The following ANO7 variants were observed in gnomAD, a reference collection of about 807,000 sequenced individuals.
ANO7 encodes the protein anoctamin 7, also known as anoctamin-7.
A neutral mutation model predicts 115.8 loss-of-function variants in ANO7; 114 were observed. The observed-to-expected ratio is 0.98, with a 90% confidence interval of 0.85 to 1.15. The LOEUF (loss-of-function observed/expected upper bound fraction) is 1.15. ANO7 is among the 50% of genes most tolerant of loss of function. The pLI, the probability that ANO7 is intolerant of heterozygous loss-of-function variation, is 0.00. For synonymous variants in ANO7, 550 were observed against 498.2 expected (o/e 1.10, Z -1.38); for missense variants, 1,302 against 1,201.2 (o/e 1.08, Z -1.24).
chr2:241,201,185 G>T, intron 6 of ANO7, 113 bp from the exon 7 acceptor site: 2 of 1,270,230 alleles, frequency 1.6e-6, no homozygotes, highest in Non-Finnish European at 2.1e-6. Flanking sequence ...GCCAGCACCC[G>T]GGCCCCAAAC....
At chr2:241,208,920 C>A (rs35948137) in intron 11 of ANO7, among the ~76,000 whole-genome samples, 4 of 151,628 alleles carry the variant, frequency 2.6e-5, no homozygotes, top group South Asian at 2.1e-4. Context: ...GAGGCCAAGG[C>A]GGGTGGATCA....
intron 19 of ANO7, 188 bp from the exon 20 acceptor site, chr2:241,217,498 G>A: frequency 1.5e-6 from 1 of 647,900 alleles, no homozygotes; most frequent in Admixed American, 3.0e-5. Flanking sequence ...CAGCCGGCCT[G>A]AGGCCGGTCA....
At chr2:241,227,412 G>A (rs1425533789), downstream of ANO7, 1 of 152,570 alleles carries the variant, frequency 6.6e-6, no homozygotes, top group Non-Finnish European at 1.5e-5. Flanking sequence ...ATGGATTGTA[G>A]CTATGGAAAC....
chr2:241,193,972 G>A (rs966882246), intron 3 of ANO7, among the ~76,000 whole-genome samples: 1 of 152,216 alleles, frequency 6.6e-6, no homozygotes, highest in Non-Finnish European at 1.5e-5. Context: ...CACCTCCCAG[G>A]TTCAAGTGAT....
intron 4 of ANO7, 55 bp from the exon 5 acceptor site, chr2:241,199,261 T>A (rs1559442158): frequency 1.4e-6 from 2 of 1,453,760 alleles, no homozygotes; most frequent in East Asian, 4.5e-5. Context: ...CACACACATG[T>A]GCATACGTGC....
chr2:241,202,893 G>A (rs915943143), intron 8 of ANO7, among the ~76,000 whole-genome samples: 2 of 152,184 alleles, frequency 1.3e-5, no homozygotes, highest in Non-Finnish European at 2.9e-5. Context: ...CTGCCCCAAC[G>A]CCGTCATGAG....
At chr2:241,191,390 T>A in intron 3 of ANO7, 139 bp downstream of exon 3, 2 of 1,030,364 alleles carry the variant, frequency 1.9e-6, no homozygotes, top group South Asian at 1.5e-5. Flanking sequence ...GATGGGGCAC[T>A]GGGGTGAGGG....
intron 7 of ANO7, 69 bp from the exon 8 acceptor site, chr2:241,202,125 C>A: frequency 7.4e-7 from 1 of 1,354,740 alleles, no homozygotes; most frequent in Non-Finnish European, 1.0e-6. Flanking sequence ...TAAAGACAGG[C>A]TAGCTAGGAC....
the ANO7 span, among the ~76,000 whole-genome samples, chr2:241,239,254 A>G: frequency 6.6e-6 from 1 of 152,236 alleles, no homozygotes; most frequent in Admixed American, 6.5e-5. This position sits in a 1 kb window ranked among gnomAD's most constrained non-coding sequence, Gnocchi z 4.6. Flanking sequence ...AGGGGAGAAG[A>G]GAGCTGACCC....
At chr2:241,210,220 CG>C in intron 13 of ANO7, 74 bp from the exon 14 acceptor site, 1 of 1,435,534 alleles carries the variant, frequency 7.0e-7, no homozygotes. Flanking sequence ...GAAGAGCTGT[CG>C]GGGGCCATGG....
At chr2:241,233,629 C>T in the ANO7 span, among the ~76,000 whole-genome samples, 1 of 152,152 alleles carries the variant, frequency 6.6e-6, no homozygotes, top group Admixed American at 6.5e-5. The surrounding 1 kb of genome is among the most constrained non-coding windows in gnomAD (Gnocchi z 4.3). Flanking sequence ...TACATAGTGC[C>T]AGAGACCTCA....
chr2:241,210,115 G>A (rs2068686286), intron 13 of ANO7, among the ~76,000 whole-genome samples, 180 bp from the exon 14 acceptor site: 1 of 152,190 alleles, frequency 6.6e-6, no homozygotes, highest in Non-Finnish European at 1.5e-5. Flanking sequence ...CTCTGCCTGA[G>A]CAACTCATCA....
chr2:241,229,552 G>A (rs78125729), downstream of ANO7: 19,710 of 1,340,944 alleles, frequency 0.015, 176 homozygotes, highest in Non-Finnish European at 0.019. Context: ...ACCATTGTGT[G>A]GTTGGGTTTG....
downstream of ANO7, chr2:241,229,797 C>G: frequency 1.3e-6 from 2 of 1,556,252 alleles, no homozygotes; most frequent in Non-Finnish European, 1.7e-6. Context: ...CGCCCACCCT[C>G]CCTGGGACCC....
Position 241,209,395 on chromosome 2 carries a change from C to T in ANO7, c.1188C>T (p.Tyr396=). Residue 396 remains tyrosine (Y), a synonymous_variant, in exon 12 of 25, where the codon TAC becomes TAT. Transcript: ENST00000674324. ...YWKRKSATLA[Y]RWDCSDYEDT... ...AGCGGAAGAGCGCCACGCTGGCCTACCGCTGGGACTGCTCTGACTACGAGG... is the reference window on the plus strand; with the variant it reads ...AGCGGAAGAGCGCCACGCTGGCCTATCGCTGGGACTGCTCTGACTACGAGG... The T allele has an allele frequency of 6.3e-7, 1 of 1,584,688 alleles. No homozygotes were observed. The highest frequency in any genetic ancestry group is 8.6e-7 in the Non-Finnish European group (1 of 1,166,150).
chr2:241,235,477 G>A, the ANO7 span: 146 of 1,604,182 alleles, frequency 9.1e-5, no homozygotes, highest in African/African-American at 1.6e-3. Context: ...GGCCTCCCGG[G>A]AAAGGGGTCT....
Position 241,209,437 on chromosome 2 carries a change from C to A in ANO7, c.1221+9C>A, listed in dbSNP as rs1157460391. On this transcript the variant is annotated intron_variant, in intron 12 of 24. Transcript: ENST00000674324. Reference sequence around the variant, plus strand: ...ACTACGAGGACACTGAGGTGAGCCACCCCCGCTGGACCACGGTCACACCCG... The same window carrying A: ...ACTACGAGGACACTGAGGTGAGCCAACCCCGCTGGACCACGGTCACACCCG... 4.4e-6 allele frequency: 7 copies of A among 1,596,898 alleles called. No individual in the cohort carries two copies. The highest frequency in any genetic ancestry group is 1.3e-5 in the African/African-American group (1 of 74,514).
downstream of ANO7, among the ~76,000 whole-genome samples, chr2:241,226,390 C>T (rs898477682): frequency 6.6e-6 from 1 of 152,030 alleles, no homozygotes; most frequent in Non-Finnish European, 1.5e-5. Context: ...ATATTTAGGG[C>T]CCAACAGAAC....
At chr2:241,197,983 C>T (rs1370018964) in intron 4 of ANO7, among the ~76,000 whole-genome samples, 1 of 152,190 alleles carries the variant, frequency 6.6e-6, no homozygotes, top group East Asian at 1.9e-4. Context: ...GGCTTAGGAG[C>T]TTGTTGTCTG....
Sources: gnomAD v4.1 joint callset for allele counts (sites outside exome capture counted in the v4.1 genomes callset) on GRCh38, gnomAD v4.1.1 for gene constraint, Gnocchi (gnomAD v3.1) non-coding constraint, MANE v1.5 for transcripts, NCBI Gene and HGNC (gene_info 2026-07-23, HGNC 2026-07-21) for gene names.